The following FER1L6 variants were observed in gnomAD, a reference collection of about 807,000 sequenced individuals.
The protein encoded by FER1L6 is fer-1 like family member 6, also known as fer-1-like protein 6.
FER1L6 carries 177 observed loss-of-function variants against 219.2 expected under a neutral mutation model. That is an observed-to-expected ratio of 0.81 (90% confidence interval 0.71 to 0.91). The LOEUF (loss-of-function observed/expected upper bound fraction) is 0.91, where lower values mean the gene tolerates loss of function less well. FER1L6 is among the 40% of genes least tolerant of loss of function. FER1L6 has a pLI of 0.00. For synonymous variants in FER1L6, 768 were observed against 824.3 expected, an observed-to-expected ratio of 0.93 and a Z score of 1.17; for missense variants, 2,153 against 2,259.9, an observed-to-expected ratio of 0.95 and a Z score of 0.96.
Position 124,052,512 on chromosome 8 carries a change from G to A in FER1L6, c.2874+2756G>A, listed in dbSNP as rs190923985. Among the ~76,000 whole-genome samples the A allele has an allele frequency of 2.7e-3, 414 of 152,270 alleles. 1 individual carries two copies. Among genetic ancestry groups the A allele is most frequent in the African/African-American group, 9.6e-3 (399 of 41,550 alleles). ...AAGAAATGCTTCACATTGGCCAGGTGTGGTGGCTCACACCTGTAATCCCAG... is the reference window on the plus strand; with the variant it reads ...AAGAAATGCTTCACATTGGCCAGGTATGGTGGCTCACACCTGTAATCCCAG... On this transcript the variant is annotated intron_variant, in intron 22 of 40. Transcript: ENST00000522917.
chr8:124,003,121 T>C (rs751504329), intron 12 of FER1L6, 46 bp from the exon 13 acceptor site: 6 of 1,551,828 alleles, frequency 3.9e-6, no homozygotes, highest in Non-Finnish European at 5.3e-6. Context: ...AGACTGATTC[T>C]GATTACCACC....
intron 9 of FER1L6, 141 bp from the exon 10 acceptor site, chr8:123,977,276 T>C: frequency 1.3e-6 from 1 of 763,872 alleles, no homozygotes; most frequent in Non-Finnish European, 2.1e-6. Flanking sequence ...TCACGTTCGC[T>C]GAGTGTAACT....
intron 12 of FER1L6, among the ~76,000 whole-genome samples, chr8:123,995,188 T>G (rs1220053777): frequency 6.6e-6 from 1 of 152,230 alleles, no homozygotes; most frequent in Non-Finnish European, 1.5e-5. Context: ...TACACACTAT[T>G]TTGTCTTTCC....
intron 31 of FER1L6, among the ~76,000 whole-genome samples, chr8:124,075,657 GTT>G (rs1238589931): frequency 7.9e-5 from 12 of 152,096 alleles, no homozygotes; most frequent in African/African-American, 2.9e-4. Context: ...TTATATGACT[GTT>G]AGCACAGTAG....
At chr8:123,895,336 T>G (rs1429058403) in intron 1 of FER1L6, among the ~76,000 whole-genome samples, 1 of 152,224 alleles carries the variant, frequency 6.6e-6, no homozygotes, top group African/African-American at 2.4e-5. Context: ...CCAGGTCTTT[T>G]GGCTGTTAAG....
intron 1 of FER1L6, among the ~76,000 whole-genome samples, chr8:123,938,703 C>T (rs1167796767): frequency 1.3e-5 from 2 of 151,994 alleles, no homozygotes; most frequent in Non-Finnish European, 2.9e-5. Context: ...CCTACTGCCA[C>T]ACCCAGATAA....
intron 1 of FER1L6, among the ~76,000 whole-genome samples, chr8:123,919,780 C>T (rs763224397): frequency 3.9e-5 from 6 of 152,152 alleles, no homozygotes; most frequent in Non-Finnish European, 7.4e-5. Flanking sequence ...ATGGGGCAAG[C>T]GCAGACTCTC....
rs949107223 is a variant in FER1L6, at chr8:123,982,479, G to A, written c.1410+1668G>A. Among the ~76,000 whole-genome samples, 36 of 152,120 alleles carry A rather than the reference G, an allele frequency of 2.4e-4. 1 individual carries two copies. Among genetic ancestry groups the A allele is most frequent in the Non-Finnish European group, 5.9e-5 (4 of 68,032 alleles). On this transcript the variant is annotated intron_variant, in intron 11 of 40. Transcript: ENST00000522917. Reference sequence around the variant, plus strand: ...GTGTATCTTGGCTATTGTGTAGTAGGTAATAGGTAAAATTCAGACACTATT... The same window carrying A: ...GTGTATCTTGGCTATTGTGTAGTAGATAATAGGTAAAATTCAGACACTATT...
At chr8:123,884,855 G>A (rs1454227745) in intron 1 of FER1L6, among the ~76,000 whole-genome samples, 1 of 152,134 alleles carries the variant, frequency 6.6e-6, no homozygotes, top group African/African-American at 2.4e-5. Flanking sequence ...TTTGGGCAGT[G>A]CAGTGGGTGG....
chr8:124,092,852 CT>C (rs56104148), intron 34 of FER1L6, among the ~76,000 whole-genome samples: 4,182 of 139,580 alleles, frequency 0.03, 125 homozygotes, highest in African/African-American at 0.081. Context: ...AAGTGCTACC[CT>C]TTTTTTTTTT....
chr8:123,975,323 C>A lies in FER1L6; in HGVS notation c.683+17C>A. 1 of 1,589,070 alleles carries A rather than the reference C, an allele frequency of 6.3e-7. No individual in the cohort carries two copies. Among genetic ancestry groups the A allele is most frequent in the Non-Finnish European group, 8.6e-7 (1 of 1,165,440 alleles). ...AATAGAAAAGTAAGACAGGTCCATC[C>A]TGGGTTGTGCATAGAAATGATATGT... On this transcript the variant is annotated intron_variant, in intron 8 of 40. Transcript: ENST00000522917.
chr8:124,049,783 T>G, intron 22 of FER1L6, 27 bp downstream of exon 22: 1 of 1,612,552 alleles, frequency 6.2e-7, no homozygotes, highest in African/African-American at 1.3e-5. Context: ...TGGCACGAGA[T>G]CTATTAGGTC....
intron 14 of FER1L6, 30 bp downstream of exon 14, chr8:124,010,744 A>T: frequency 6.2e-7 from 1 of 1,608,220 alleles, no homozygotes; most frequent in African/African-American, 1.3e-5. Context: ...GATGGATTAG[A>T]GAATTGGGAA....
intron 13 of FER1L6, among the ~76,000 whole-genome samples, chr8:124,005,720 A>G (rs757693013): frequency 1.3e-5 from 2 of 152,236 alleles, no homozygotes; most frequent in African/African-American, 2.4e-5. Context: ...AGGAATTACT[A>G]TAACTGGATT....
intron 18 of FER1L6, among the ~76,000 whole-genome samples, chr8:124,028,555 A>G (rs1025640223): frequency 4.6e-5 from 7 of 152,108 alleles, no homozygotes; most frequent in Non-Finnish European, 1.0e-4. Flanking sequence ...GGGGAGGGGA[A>G]CATAGAATGT....
intron 28 of FER1L6, 43 bp downstream of exon 28, chr8:124,067,849 A>G (rs779438723): frequency 4.5e-6 from 7 of 1,538,718 alleles, no homozygotes; most frequent in African/African-American, 4.1e-5. Context: ...GAATAGGGCC[A>G]TCGTTACGAG....
chr8:123,865,944 C>T (rs1258146909), intron 1 of FER1L6, among the ~76,000 whole-genome samples: 1 of 151,332 alleles, frequency 6.6e-6, no homozygotes, highest in Non-Finnish European at 1.5e-5. Context: ...CCGTCTTCTG[C>T]GTCGCTCACG....
chr8:124,080,562 C>T (rs1386052348), intron 32 of FER1L6, among the ~76,000 whole-genome samples: 4 of 152,176 alleles, frequency 2.6e-5, no homozygotes, highest in Non-Finnish European at 5.9e-5. Flanking sequence ...GAGTGATCCA[C>T]CTGCCTCGGC....
At chr8:124,019,676 A>G (rs568462734) in intron 16 of FER1L6, among the ~76,000 whole-genome samples, 4 of 152,368 alleles carry the variant, frequency 2.6e-5, no homozygotes, top group Admixed American at 2.6e-4. Flanking sequence ...CCTATGTGCC[A>G]GGAGCTCTGT....
Sources: allele counts gnomAD v4.1 joint callset (sites outside exome capture counted in the v4.1 genomes callset), GRCh38; gene constraint gnomAD v4.1.1; transcripts MANE v1.5; gene names NCBI Gene and HGNC (gene_info 2026-07-23, HGNC 2026-07-21).